The following NEK10 variants were observed in gnomAD, a reference collection of about 807,000 sequenced individuals.
The protein encoded by NEK10 is serine/threonine-protein kinase Nek10.
In NEK10, 122 loss-of-function variants were observed where a neutral mutation model predicts 159.8. That is an observed-to-expected ratio of 0.76 (90% CI 0.66 to 0.89). The LOEUF (loss-of-function observed/expected upper bound fraction) is 0.89, where lower values mean the gene tolerates loss of function less well. NEK10 is among the 40% of genes least tolerant of loss of function. The pLI, the probability that NEK10 is intolerant of heterozygous loss-of-function variation, is 0.00. For synonymous variants in NEK10, 466 were observed against 457.1 expected (o/e 1.02, Z -0.25); for missense variants, 1,342 against 1,323.1 (o/e 1.01, Z -0.22).
chr3:27,332,949 A>T (rs1386551355), intron 5 of NEK10, among the ~76,000 whole-genome samples: 1 of 152,214 alleles, frequency 6.6e-6, no homozygotes, highest in Non-Finnish European at 1.5e-5. Flanking sequence ...ATTCGTTACC[A>T]GGAGTAACAA....
At chr3:27,163,199 ATCCCT>A (rs1372723263) in intron 29 of NEK10, among the ~76,000 whole-genome samples, 4 of 152,098 alleles carry the variant, frequency 2.6e-5, no homozygotes. Flanking sequence ...TGTTATTAAC[ATCCCT>A]TGTTTGCCTT....
In NEK10 at chr3:27,201,521, G is replaced by A. The variant is rs35697637; in HGVS notation, c.2280C>T (p.Asp760=). ...PEGIYSEKVT[D]TISRCLTPDA... ...GCAAGACTAATTACCTGCTGATGGTGTCTGTTACTTTTTCAGAGTAGATAC... is the reference window on the plus strand; with the variant it reads ...GCAAGACTAATTACCTGCTGATGGTATCTGTTACTTTTTCAGAGTAGATAC... Residue 760 remains aspartate, a synonymous_variant, in exon 25 of 36, where the codon GAC becomes GAT. Transcript: ENST00000691995. 323 of 1,613,800 alleles carry A rather than the reference G, an allele frequency of 2.0e-4. 2 individuals carry two copies. In the African/African-American group the frequency reaches 3.4e-3, roughly 17 times the overall value.
intron 31 of NEK10, among the ~76,000 whole-genome samples, chr3:27,137,007 A>G (rs1192330487): frequency 6.6e-6 from 1 of 152,222 alleles, no homozygotes; most frequent in African/African-American, 2.4e-5. Flanking sequence ...TGCAATTAGC[A>G]AAGTAACTGA....
intron 26 of NEK10, among the ~76,000 whole-genome samples, chr3:27,175,570 T>C (rs569141262): frequency 1.1e-4 from 16 of 152,318 alleles, no homozygotes; most frequent in African/African-American, 3.6e-4. Flanking sequence ...GAAGTTTTCA[T>C]TTTTCTAAGA....
In NEK10 at chr3:27,301,437, G is replaced by A. The variant is rs571020590; in HGVS notation, c.1168+259C>T. Among the ~76,000 whole-genome samples the A allele has an allele frequency of 3.9e-5, 6 of 152,290 alleles. No individual in the cohort carries two copies. In the South Asian group the frequency reaches 6.2e-4, roughly 16 times the overall value. ...CAGCTTTCCTCATAATAAAGCTAAT[G>A]TTTTGTATCCTTATCTCTGACTTCT... is the stretch of plus-strand genomic sequence containing the variant. On this transcript the variant is annotated intron_variant, in intron 13 of 35. Coordinates refer to ENST00000691995, the MANE Select transcript of NEK10 (RefSeq NM_001394966.1).
At chr3:27,264,665 G>A (rs2040728246) in intron 22 of NEK10, among the ~76,000 whole-genome samples, 2 of 152,136 alleles carry the variant, frequency 1.3e-5, no homozygotes, top group African/African-American at 4.8e-5. Context: ...GCCGAGGCAG[G>A]TGGAACAACT....
At chr3:27,241,079 G>A (rs997543972) in intron 23 of NEK10, among the ~76,000 whole-genome samples, 1 of 152,050 alleles carries the variant, frequency 6.6e-6, no homozygotes, top group African/African-American at 2.4e-5. Context: ...GGGCATGACT[G>A]GGGGAAAAAA....
chr3:27,288,463 C>A (rs2042774354), intron 19 of NEK10, among the ~76,000 whole-genome samples: 1 of 152,138 alleles, frequency 6.6e-6, no homozygotes, highest in Non-Finnish European at 1.5e-5. Flanking sequence ...TGATATCTAA[C>A]CAAGTTCCTC....
At chr3:27,366,562 ACTGTCTTTTGG>A (rs534568043) in intron 1 of NEK10, among the ~76,000 whole-genome samples, 58 of 152,142 alleles carry the variant, frequency 3.8e-4, no homozygotes, top group African/African-American at 1.4e-3. Flanking sequence ...TATTTGTTGC[ACTGTCTTTTGG>A]CTCACCCTCA....
chr3:27,177,388 C>CA (rs376615630), intron 26 of NEK10, among the ~76,000 whole-genome samples: 1 of 151,496 alleles, frequency 6.6e-6, no homozygotes, highest in African/African-American at 2.4e-5. Flanking sequence ...CTAAAAAATA[C>CA]AAAAAAATTA....
rs778443719 is a variant in NEK10, at chr3:27,192,097, G to C, written c.2437C>G (p.Gln813Glu). 1.2e-6 allele frequency: 2 copies of C among 1,614,196 alleles called. No individual in the cohort carries two copies. Among genetic ancestry groups the C allele is most frequent in the Non-Finnish European group, 1.7e-6 (2 of 1,180,036 alleles). The change falls in exon 26 of 36, where the codon CAA (glutamine) becomes GAA (glutamate). Residue 813 changes from glutamine to glutamate, a missense_variant. Physicochemically the swap from Gln to Glu is conservative, Grantham distance 29. Coordinates refer to ENST00000691995, the MANE Select transcript of NEK10 (RefSeq NM_001394966.1). Reference sequence around the variant, plus strand: ...CGGTTGGCTTCCATAAAATACCTTTGTGTGCGTCTTCGTTCCCGTTCTAGC... The same window carrying C: ...CGGTTGGCTTCCATAAAATACCTTTCTGTGCGTCTTCGTTCCCGTTCTAGC... ...KKLERERRRT[Q>E]RYFMEANRNT...
chr3:27,353,336 G>A (rs1304156264), intron 1 of NEK10, among the ~76,000 whole-genome samples: 1 of 152,106 alleles, frequency 6.6e-6, no homozygotes, highest in Non-Finnish European at 1.5e-5. Context: ...TTCCAACTGT[G>A]CTTCAATGCC....
chr3:27,300,480 A>G (rs978052465), intron 13 of NEK10, among the ~76,000 whole-genome samples: 1 of 152,114 alleles, frequency 6.6e-6, no homozygotes, highest in Non-Finnish European at 1.5e-5. Context: ...CAGCGTGAAA[A>G]TGGACTAATA....
At chr3:27,143,222 T>C (rs1396843462) in intron 30 of NEK10, among the ~76,000 whole-genome samples, 1 of 152,216 alleles carries the variant, frequency 6.6e-6, no homozygotes, top group Admixed American at 6.5e-5. Context: ...GTGTGTAACA[T>C]GACCAAGTTG....
chr3:27,357,119 T>C (rs554066486), intron 1 of NEK10, among the ~76,000 whole-genome samples: 3 of 152,346 alleles, frequency 2.0e-5, no homozygotes, highest in South Asian at 4.1e-4. Flanking sequence ...ATTGTTATTA[T>C]GTGGTAATCA....
intron 33 of NEK10, among the ~76,000 whole-genome samples, chr3:27,116,584 T>A (rs1575358426): frequency 1.3e-5 from 2 of 152,194 alleles, no homozygotes; most frequent in South Asian, 4.1e-4. Flanking sequence ...GATCTGACCC[T>A]TTCATATAGC....
intron 32 of NEK10, among the ~76,000 whole-genome samples, chr3:27,130,020 T>A (rs1346502547): frequency 6.6e-6 from 1 of 151,970 alleles, no homozygotes. Context: ...TACACCCCCA[T>A]GAAGGTATCA....
At chr3:27,127,659 C>G (rs1329085198) in intron 32 of NEK10, among the ~76,000 whole-genome samples, 1 of 152,112 alleles carries the variant, frequency 6.6e-6, no homozygotes, top group East Asian at 1.9e-4. Context: ...CTATCACTGA[C>G]CAAAACATCA....
chr3:27,358,435 C>T (rs952116477), intron 1 of NEK10, among the ~76,000 whole-genome samples: 3 of 152,096 alleles, frequency 2.0e-5, no homozygotes, highest in African/African-American at 7.2e-5. Flanking sequence ...TTTTTAAATC[C>T]ATTTTTTAAA....
Sources: allele counts gnomAD v4.1 joint callset (sites outside exome capture counted in the v4.1 genomes callset), GRCh38; gene constraint gnomAD v4.1.1; transcripts MANE v1.5; gene names NCBI Gene and HGNC (gene_info 2026-07-23, HGNC 2026-07-21).